Variants in RTL4 observed in about 807,000 individuals in gnomAD.
The protein encoded by RTL4 is retrotransposon Gag like 4, also known as retrotransposon Gag-like protein 4.
A neutral mutation model predicts 5.3 loss-of-function variants in RTL4; 4 were observed. The observed-to-expected ratio is 0.75, with a 90% CI of 0.37 to 1.72. RTL4 has a LOEUF of 1.72. RTL4 is among the 40% of genes most tolerant of loss of function. The pLI, the probability that RTL4 is intolerant of heterozygous loss-of-function variation, is 0.04. For synonymous variants in RTL4, 98 were observed against 87.3 expected, an observed-to-expected ratio of 1.12 and a Z score of -0.68; for missense variants, 260 against 227.1, an observed-to-expected ratio of 1.14 and a Z score of -0.93.
At chrX:112,097,096 A>C in the RTL4 span, among the ~76,000 whole-genome samples, 6 of 111,791 alleles carry the variant, frequency 5.4e-5, 1 homozygote, top group East Asian at 1.7e-3. Context: ...AACCAACCTT[A>C]ACCCCACCCT....
chrX:112,265,542 G>A, the RTL4 span, among the ~76,000 whole-genome samples: 2 of 112,257 alleles, frequency 1.8e-5, no homozygotes, highest in Non-Finnish European at 3.8e-5. Context: ...CAGTGAGGCT[G>A]CAACCAGCTC....
At chrX:112,355,035 G>A in the RTL4 span, among the ~76,000 whole-genome samples, 2 of 111,213 alleles carry the variant, frequency 1.8e-5, no homozygotes, top group East Asian at 5.7e-4. Context: ...ATGCTTCTTC[G>A]GTGCTGCTGT....
At chrX:112,287,393 A>G in the RTL4 span, among the ~76,000 whole-genome samples, 1 of 112,142 alleles carries the variant, frequency 8.9e-6, no homozygotes, top group Non-Finnish European at 1.9e-5. Context: ...TATATAAAAT[A>G]AGTTTGTTCC....
chrX:112,249,388 G>A, the RTL4 span, among the ~76,000 whole-genome samples: 4 of 110,623 alleles, frequency 3.6e-5, no homozygotes, highest in South Asian at 4.0e-4. Context: ...TATCTGTGAC[G>A]GCTAATTTTA....
chrX:112,300,751 G>A, the RTL4 span, among the ~76,000 whole-genome samples: 4 of 112,447 alleles, frequency 3.6e-5, no homozygotes, highest in East Asian at 2.8e-4. Flanking sequence ...CGCATCCATC[G>A]TATGGCACTG....
the RTL4 span, among the ~76,000 whole-genome samples, chrX:112,440,039 G>GA: frequency 2.7e-5 from 3 of 111,434 alleles, no homozygotes; most frequent in Admixed American, 9.5e-5. Flanking sequence ...CATTTGGACA[G>GA]AAAAAAAGAT....
the RTL4 span, among the ~76,000 whole-genome samples, chrX:112,112,163 G>A: frequency 2.7e-5 from 3 of 112,072 alleles, no homozygotes; most frequent in Non-Finnish European, 3.8e-5. Context: ...TCCTTACTTA[G>A]GTATGCCACT....
At chrX:112,352,320 G>GA in the RTL4 span, among the ~76,000 whole-genome samples, 1 of 109,902 alleles carries the variant, frequency 9.1e-6, no homozygotes, top group African/African-American at 3.3e-5. Flanking sequence ...CACAGAATTG[G>GA]AAAAAAATAC....
the RTL4 span, among the ~76,000 whole-genome samples, chrX:112,283,450 TCA>T: frequency 9.9e-5 from 11 of 111,580 alleles, no homozygotes; most frequent in Non-Finnish European, 1.7e-4. Context: ...ACAAAGACTA[TCA>T]AGAGTATAAA....
the RTL4 span, among the ~76,000 whole-genome samples, chrX:112,250,116 A>G: frequency 9.1e-6 from 1 of 109,544 alleles, no homozygotes; most frequent in African/African-American, 3.3e-5. Flanking sequence ...CTCTACTAAA[A>G]AAAATACAAA....
At chrX:112,316,405 A>C in the RTL4 span, among the ~76,000 whole-genome samples, 1 of 111,668 alleles carries the variant, frequency 9.0e-6, no homozygotes, top group Admixed American at 9.6e-5. Context: ...TTCCTCATCT[A>C]TAAAGGAGGA....
At chrX:112,362,111 G>C in the RTL4 span, among the ~76,000 whole-genome samples, 5 of 112,129 alleles carry the variant, frequency 4.5e-5, no homozygotes, top group Non-Finnish European at 9.4e-5. Context: ...ATATGACCCT[G>C]AAATGACAGC....
the RTL4 span, among the ~76,000 whole-genome samples, chrX:112,092,907 C>G: frequency 1.8e-5 from 2 of 111,420 alleles, no homozygotes; most frequent in African/African-American, 6.5e-5. Context: ...ATTGCCCAGT[C>G]TCAGGTATGT....
chrX:112,102,965 G>T, the RTL4 span, among the ~76,000 whole-genome samples: 1 of 111,889 alleles, frequency 8.9e-6, no homozygotes, highest in Non-Finnish European at 1.9e-5. Context: ...AAAAAAGAAC[G>T]CTTTTACATT....
chrX:112,185,402 T>TAC, the RTL4 span, among the ~76,000 whole-genome samples: 775 of 97,842 alleles, frequency 7.9e-3, 8 homozygotes, highest in African/African-American at 0.027. Context: ...TATATATATA[T>TAC]ACACACACAC....
At chrX:112,442,179 G>A in the RTL4 span, among the ~76,000 whole-genome samples, 7 of 111,154 alleles carry the variant, frequency 6.3e-5, no homozygotes, top group Non-Finnish European at 1.3e-4. Flanking sequence ...TCTATATCTT[G>A]AATGTGGTGT....
the RTL4 span, among the ~76,000 whole-genome samples, chrX:112,246,105 C>A: frequency 1.8e-5 from 2 of 111,837 alleles, no homozygotes; most frequent in South Asian, 7.5e-4. Flanking sequence ...TGTCAGAGGG[C>A]ACCTGGCTGT....
chrX:112,445,177 G>T, the RTL4 span, among the ~76,000 whole-genome samples: 2 of 68,417 alleles, frequency 2.9e-5, no homozygotes, highest in East Asian at 7.4e-4. Context: ...CACCTGTGAC[G>T]GGTGTGAAGG....
the RTL4 span, among the ~76,000 whole-genome samples, chrX:112,199,288 C>CA: frequency 0.055 from 1,850 of 33,801 alleles, 90 homozygotes; most frequent in African/African-American, 0.15. Flanking sequence ...GGCTCCGTCT[C>CA]AAAAAAAAAA....
Sources: gnomAD v4.1 joint callset for allele counts (sites outside exome capture counted in the v4.1 genomes callset) on GRCh38, gnomAD v4.1.1 for gene constraint, MANE v1.5 for transcripts, NCBI Gene and HGNC (gene_info 2026-07-23, HGNC 2026-07-21) for gene names.